Variants in BMPR1A observed in about 807,000 individuals in gnomAD.
BMPR1A encodes the protein bone morphogenetic protein receptor type 1A.
BMPR1A carries 7 observed loss-of-function variants against 66.0 expected under a neutral mutation model. The observed-to-expected ratio is 0.11, with a 90% CI of 0.06 to 0.20. The LOEUF (loss-of-function observed/expected upper bound fraction) is 0.20, where lower values mean the gene tolerates loss of function less well. Ranked by LOEUF, BMPR1A falls within the 10% of genes least tolerant of loss-of-function variation. BMPR1A has a pLI of 1.00. For synonymous variants in BMPR1A, 200 were observed against 229.7 expected (o/e 0.87, Z 1.17); for missense variants, 408 against 669.1 (o/e 0.61, Z 4.31).
At chr10:86,886,278 G>C (rs556316074) in intron 3 of BMPR1A, among the ~76,000 whole-genome samples, 1 of 152,280 alleles carries the variant, frequency 6.6e-6, no homozygotes, top group South Asian at 2.1e-4. Context: ...ATTTTATTCT[G>C]AGTGCATTGT....
At chr10:86,760,253 T>C (rs1018976595) in intron 1 of BMPR1A, among the ~76,000 whole-genome samples, 7 of 113,998 alleles carry the variant, frequency 6.1e-5, no homozygotes, top group East Asian at 4.7e-4. Flanking sequence ...TCTTTCTTTT[T>C]TTTTTTTTTT....
chr10:86,795,416 G>GT (rs10536775), intron 1 of BMPR1A, among the ~76,000 whole-genome samples: 29,303 of 149,566 alleles, frequency 0.2, 3,075 homozygotes, highest in Admixed American at 0.29. Flanking sequence ...AAAGTGATTT[G>GT]TTTTTTTTTT....
At position 86,757,360 on chromosome 10, in the gene BMPR1A, C is replaced by T. The variant is rs572299826; in HGVS notation, c.-268+441C>T. On this transcript the variant is annotated intron_variant, in intron 1 of 12. Coordinates refer to ENST00000372037, the MANE Select transcript of BMPR1A (RefSeq NM_004329.3). Reference sequence around the variant, plus strand: ...GGTCGAGTGAGAGGAGCAGCCGGCCCGCCCCCGAGTCCCCGCGGGAAGGGG... The same window carrying T: ...GGTCGAGTGAGAGGAGCAGCCGGCCTGCCCCCGAGTCCCCGCGGGAAGGGG... Among the ~76,000 whole-genome samples the T allele has an allele frequency of 3.3e-4, 51 of 152,308 alleles. No homozygotes were observed. In the South Asian group the frequency reaches 0.01, roughly 31 times the overall value.
At chr10:86,776,961 C>T (rs1390802497) in intron 1 of BMPR1A, among the ~76,000 whole-genome samples, 1 of 152,176 alleles carries the variant, frequency 6.6e-6, no homozygotes, top group Admixed American at 6.5e-5. Flanking sequence ...TTCAGTTCTA[C>T]CCTGATCATC....
downstream of BMPR1A, chr10:86,930,321 C>G (rs1165193010): frequency 6.6e-6 from 1 of 152,482 alleles, no homozygotes; most frequent in Non-Finnish European, 1.5e-5. Flanking sequence ...GCTCTGTCAC[C>G]CAGGCTGGAG....
At chr10:86,828,222 T>A (rs1842223380) in intron 1 of BMPR1A, among the ~76,000 whole-genome samples, 2 of 152,212 alleles carry the variant, frequency 1.3e-5, no homozygotes, top group Admixed American at 1.3e-4. Flanking sequence ...AGTTTTTATA[T>A]CTTCAGTCTC....
chr10:86,822,292 G>T (rs1053530451), intron 1 of BMPR1A, among the ~76,000 whole-genome samples: 1 of 152,166 alleles, frequency 6.6e-6, no homozygotes, highest in Admixed American at 6.5e-5. Flanking sequence ...GTCTGTGTAT[G>T]AGTAAAACCC....
intron 2 of BMPR1A, among the ~76,000 whole-genome samples, chr10:86,841,177 T>G (rs1842420063): frequency 1.3e-5 from 2 of 152,198 alleles, no homozygotes; most frequent in Non-Finnish European, 2.9e-5. Context: ...CTGTGTTAGG[T>G]CAGAATGCAA....
intron 1 of BMPR1A, among the ~76,000 whole-genome samples, chr10:86,777,542 A>G (rs978013525): frequency 2.0e-5 from 3 of 152,104 alleles, no homozygotes; most frequent in Non-Finnish European, 4.4e-5. Context: ...TCATTGCACC[A>G]CTGTACTCCA....
At chr10:86,834,390 C>T (rs1458556143) in intron 1 of BMPR1A, among the ~76,000 whole-genome samples, 3 of 152,162 alleles carry the variant, frequency 2.0e-5, no homozygotes, top group Non-Finnish European at 4.4e-5. Context: ...TTGCCAAAAT[C>T]CTACACTGTG....
At chr10:86,767,966 C>G (rs1841194730) in intron 1 of BMPR1A, among the ~76,000 whole-genome samples, 1 of 152,208 alleles carries the variant, frequency 6.6e-6, no homozygotes, top group Non-Finnish European at 1.5e-5. Context: ...TGTTTTCCTG[C>G]AACAGCCCAT....
At chr10:86,849,919 A>G (rs1027900498) in intron 2 of BMPR1A, among the ~76,000 whole-genome samples, 2 of 152,230 alleles carry the variant, frequency 1.3e-5, no homozygotes, top group African/African-American at 4.8e-5. Flanking sequence ...AACACAGTGT[A>G]TGAACAATAA....
chr10:86,869,309 T>G (rs936765386), intron 2 of BMPR1A, among the ~76,000 whole-genome samples: 5 of 151,452 alleles, frequency 3.3e-5, no homozygotes, highest in Non-Finnish European at 5.9e-5. Context: ...AATAGAAAAA[T>G]TAGCTGGACG....
At position 86,925,017 on chromosome 10, in the gene BMPR1A, A is replaced by G; in HGVS notation, c.*1298A>G. 1 of 232,290 alleles carries G rather than the reference A, an allele frequency of 4.3e-6. No individual in the cohort carries two copies. Among genetic ancestry groups the G allele is most frequent in the African/African-American group, 2.2e-5 (1 of 45,440 alleles). 14.4% of individuals were successfully genotyped at this position (232,290 alleles called of 1,614,324 possible). On this transcript the variant is annotated 3_prime_UTR_variant, in exon 13 of 13. Coordinates refer to ENST00000372037, the MANE Select transcript of BMPR1A (RefSeq NM_004329.3). Reference sequence around the variant, plus strand: ...TGTCAGAGCTGTTATAAATTTATCAACTGTCAAATATGTTCTGGACAGCTA... The same window carrying G: ...TGTCAGAGCTGTTATAAATTTATCAGCTGTCAAATATGTTCTGGACAGCTA...
intron 1 of BMPR1A, among the ~76,000 whole-genome samples, chr10:86,771,608 A>G (rs906642876): frequency 6.6e-6 from 1 of 152,230 alleles, no homozygotes; most frequent in South Asian, 2.1e-4. Flanking sequence ...TCTTAACCAC[A>G]TAATTATATT....
At chr10:86,878,341 C>T (rs1010388391) in intron 3 of BMPR1A, among the ~76,000 whole-genome samples, 2 of 152,064 alleles carry the variant, frequency 1.3e-5, no homozygotes, top group African/African-American at 4.8e-5. Context: ...TAGGTTTGAA[C>T]AGAAAAATGA....
chr10:86,767,929 G>T (rs1177732841), intron 1 of BMPR1A, among the ~76,000 whole-genome samples: 1 of 152,136 alleles, frequency 6.6e-6, no homozygotes, highest in Admixed American at 6.6e-5. Context: ...TGTCCTAAGG[G>T]TCCATTTGTC....
intron 1 of BMPR1A, among the ~76,000 whole-genome samples, chr10:86,793,476 G>C (rs1841661246): frequency 6.6e-6 from 1 of 151,148 alleles, no homozygotes. Flanking sequence ...CGATTCTCCT[G>C]TCTCAGCCTC....
chr10:86,794,808 TTATCTA>T (rs200027176), intron 1 of BMPR1A, among the ~76,000 whole-genome samples: 3,118 of 150,804 alleles, frequency 0.021, 56 homozygotes, highest in South Asian at 0.08. Context: ...AAATTCAAAT[TTATCTA>T]TATCTATATC....
Sources: gnomAD v4.1 joint callset for allele counts (sites outside exome capture counted in the v4.1 genomes callset) on GRCh38, gnomAD v4.1.1 for gene constraint, MANE v1.5 for transcripts, NCBI Gene and HGNC (gene_info 2026-07-23, HGNC 2026-07-21) for gene names.